The following KSR1 variants were observed in gnomAD, a reference collection of about 807,000 sequenced individuals.
KSR1 encodes kinase suppressor of ras.
A neutral mutation model predicts 92.9 loss-of-function variants in KSR1; 35 were observed. The ratio of observed to expected loss-of-function variants is 0.38; its 90% CI spans 0.29 to 0.50. KSR1 has a LOEUF of 0.50. Among genes scored for constraint, KSR1 ranks in the 20% least tolerant of loss-of-function variants. The pLI is 0.94. For synonymous variants in KSR1, 467 were observed against 472.6 expected, an observed-to-expected ratio of 0.99 and a Z score of 0.15; for missense variants, 972 against 1,158.5, an observed-to-expected ratio of 0.84 and a Z score of 2.34.
intron 1 of KSR1, among the ~76,000 whole-genome samples, chr17:27,472,514 T>C (rs1372770788): frequency 4.6e-5 from 7 of 152,100 alleles, no homozygotes; most frequent in Admixed American, 3.3e-4. Flanking sequence ...TGCTATTAAA[T>C]AAATGGGAAG....
chr17:27,548,077 G>A (rs926836717), intron 1 of KSR1, among the ~76,000 whole-genome samples: 2 of 151,364 alleles, frequency 1.3e-5, no homozygotes, highest in Non-Finnish European at 1.5e-5. Context: ...TTTATAATTC[G>A]AAGTGTGTCG....
At chr17:27,536,202 G>T (rs570884508) in intron 1 of KSR1, among the ~76,000 whole-genome samples, 7 of 152,322 alleles carry the variant, frequency 4.6e-5, no homozygotes, top group African/African-American at 1.7e-4. Context: ...CAGCCGAAGG[G>T]CCCCTCCCCG....
At chr17:27,580,742 T>A (rs115104112) in intron 3 of KSR1, among the ~76,000 whole-genome samples, 153 of 152,192 alleles carry the variant, frequency 1.0e-3, no homozygotes, top group African/African-American at 3.5e-3. Context: ...TACAGGTGCG[T>A]CAGTCCCTTC....
intron 18 of KSR1, among the ~76,000 whole-genome samples, chr17:27,612,222 G>A: frequency 6.6e-6 from 1 of 152,230 alleles, no homozygotes; most frequent in East Asian, 1.9e-4. Flanking sequence ...TGGAAATAGA[G>A]CGTTGCACTG....
chr17:27,597,871 C>G lies in KSR1; in HGVS notation c.1468+435C>G, dbSNP rs111797110. On this transcript the variant is annotated intron_variant, in intron 10 of 20. Transcript: ENST00000644974. ...ATCTGGGGTCCTGCTGCTTCCCACT[C>G]GTGATCTGGGTAAGCTCCTTCAAGG... Among the ~76,000 whole-genome samples, 337 of 152,318 alleles carry G rather than the reference C, an allele frequency of 2.2e-3. 3 individuals are homozygous for G. The highest frequency in any genetic ancestry group is 7.2e-3 in the African/African-American group (299 of 41,576).
At chr17:27,621,348 G>A (rs932106686) in intron 20 of KSR1, 75 bp downstream of exon 20, 13 of 398,022 alleles carry the variant, frequency 3.3e-5, no homozygotes, top group South Asian at 1.3e-4. Flanking sequence ...CCTTTCTGTC[G>A]CCGCTTCCCA....
chr17:27,584,166 T>G (rs1481863702), intron 4 of KSR1, among the ~76,000 whole-genome samples: 1 of 152,178 alleles, frequency 6.6e-6, no homozygotes, highest in African/African-American at 2.4e-5. Context: ...TTGGGGCACC[T>G]GGTTTCTCTC....
intron 1 of KSR1, among the ~76,000 whole-genome samples, chr17:27,507,232 A>G (rs1343914747): frequency 6.6e-6 from 1 of 152,134 alleles, no homozygotes; most frequent in African/African-American, 2.4e-5. Context: ...CAGGAATTCA[A>G]GACCAGCCTG....
At position 27,456,840 on chromosome 17, in the gene KSR1, A is replaced by C. The variant is rs745383876; in HGVS notation, c.197A>C (p.Asn66Thr). ...CTGCGCACCAAGTGCGCTGTGTCCA[A>C]CGACCTCACCCAGCAGGAGATACGG... ...RGLRTKCAVS[N>T]DLTQQEIRTL... Residue 66 changes from asparagine to threonine, a missense_variant, in exon 1 of 21, where the codon AAC becomes ACC. By Grantham distance (65) the Asn-to-Thr change is moderately conservative (BLOSUM62 0). Around this residue, in one of 5 missense-constraint regions of KSR1, gnomAD observed 611 missense variants for 668.0 expected, o/e 0.91. Transcript: ENST00000644974. 8.1e-7 allele frequency: 1 copy of C among 1,238,528 alleles called. No individual in the cohort carries two copies. The highest frequency in any genetic ancestry group is 2.3e-5 in the East Asian group (1 of 43,112). 76.7% of individuals were successfully genotyped at this position (1,238,528 alleles called of 1,614,324 possible).
intron 1 of KSR1, among the ~76,000 whole-genome samples, chr17:27,549,412 A>G (rs953567853): frequency 6.6e-6 from 1 of 152,114 alleles, no homozygotes; most frequent in Non-Finnish European, 1.5e-5. Flanking sequence ...TGGGAATGCG[A>G]GTCCCTTATT....
chr17:27,551,603 A>C (rs1278241050), intron 2 of KSR1, among the ~76,000 whole-genome samples: 1 of 151,994 alleles, frequency 6.6e-6, no homozygotes, highest in Non-Finnish European at 1.5e-5. Context: ...TCTTTTAAAA[A>C]TTTCTATCTG....
intron 1 of KSR1, among the ~76,000 whole-genome samples, chr17:27,489,418 C>T (rs1416574615): frequency 6.6e-6 from 1 of 152,206 alleles, no homozygotes; most frequent in African/African-American, 2.4e-5. Context: ...GGTTCAAGCC[C>T]AGGCCACTTG....
intron 2 of KSR1, among the ~76,000 whole-genome samples, chr17:27,576,528 G>A (rs946664963): frequency 2.0e-5 from 3 of 152,170 alleles, no homozygotes; most frequent in African/African-American, 7.2e-5. Context: ...GATGCTGTGA[G>A]ATGATAAAGT....
intron 1 of KSR1, among the ~76,000 whole-genome samples, chr17:27,493,424 G>T (rs536053766): frequency 1.3e-5 from 2 of 152,252 alleles, no homozygotes; most frequent in South Asian, 4.1e-4. Context: ...TTCTTTAACA[G>T]GGCAGATTTT....
intron 1 of KSR1, among the ~76,000 whole-genome samples, chr17:27,535,666 G>A (rs940110154): frequency 6.6e-6 from 1 of 152,216 alleles, no homozygotes; most frequent in Non-Finnish European, 1.5e-5. Flanking sequence ...AGCTGCCAAA[G>A]GCACAGCTTT....
chr17:27,466,351 G>A (rs2019693286), intron 1 of KSR1, among the ~76,000 whole-genome samples: 1 of 152,170 alleles, frequency 6.6e-6, no homozygotes, highest in African/African-American at 2.4e-5. Context: ...TTTACAAAGG[G>A]AAATAGGGTG....
At chr17:27,605,293 G>A in intron 13 of KSR1, 141 bp from the exon 14 acceptor site, 3 of 1,093,428 alleles carry the variant, frequency 2.7e-6, no homozygotes, top group Non-Finnish European at 3.9e-6. Flanking sequence ...CAGCAGGCCA[G>A]TGCAGAGCTG....
Position 27,582,642 on chromosome 17 carries a change from A to G in KSR1, c.521-4A>G, listed in dbSNP as rs751694655. 1 of 1,602,590 alleles carries G rather than the reference A, an allele frequency of 6.2e-7. No individual in the cohort carries two copies. Among genetic ancestry groups the G allele is most frequent in the Non-Finnish European group, 8.5e-7 (1 of 1,172,520 alleles). On this transcript the variant is annotated splice_region_variant and splice_polypyrimidine_tract_variant and intron_variant, in intron 3 of 20. Coordinates refer to ENST00000644974, the MANE Select transcript of KSR1 (RefSeq NM_001394583.1). ...CATCTGTGACTCCACGTCTTGGTCC[A>G]CAGGAGGGGAGCACAAGGAGGACTC...
intron 1 of KSR1, among the ~76,000 whole-genome samples, chr17:27,477,145 AG>A (rs1004379703): frequency 6.6e-6 from 1 of 152,146 alleles, no homozygotes; most frequent in Non-Finnish European, 1.5e-5. Flanking sequence ...GAACAACCAG[AG>A]GTCACTCTTG....
Sources: allele counts gnomAD v4.1 joint callset (sites outside exome capture counted in the v4.1 genomes callset), GRCh38; gene constraint gnomAD v4.1.1; regional missense constraint gnomAD v4.1.1; transcripts MANE v1.5; gene names NCBI Gene and HGNC (gene_info 2026-07-23, HGNC 2026-07-21).